C12orf42: variants seen among roughly 807,000 people sequenced by gnomAD.
C12orf42 encodes the protein chromosome 12 open reading frame 42.
C12orf42 carries 25 observed loss-of-function variants against 21.6 expected under a neutral mutation model. The observed-to-expected ratio is 1.16, with a 90% CI of 0.84 to 1.62. The LOEUF is 1.62. Ranked by LOEUF, C12orf42 falls within the 40% of genes most tolerant of loss-of-function variation. The pLI, the probability that C12orf42 is intolerant of heterozygous loss-of-function variation, is 0.00. For synonymous variants in C12orf42, 174 were observed against 175.0 expected (o/e 0.99, Z 0.05); for missense variants, 483 against 459.3 (o/e 1.05, Z -0.47).
At chr12:103,393,276 G>A (rs551922220) in intron 3 of C12orf42, among the ~76,000 whole-genome samples, 310 of 152,310 alleles carry the variant, frequency 2.0e-3, no homozygotes, top group African/African-American at 7.0e-3. Flanking sequence ...GATGGAAGGG[G>A]AAGCGGGAAC....
At chr12:103,444,524 G>T (rs1200565040) in intron 2 of C12orf42, among the ~76,000 whole-genome samples, 2 of 151,974 alleles carry the variant, frequency 1.3e-5, no homozygotes, top group African/African-American at 2.4e-5. Context: ...TTTAAATAAT[G>T]TTATTCTCCA....
At chr12:103,096,440 T>C in the C12orf42 span, among the ~76,000 whole-genome samples, 36 of 152,352 alleles carry the variant, frequency 2.4e-4, no homozygotes, top group African/African-American at 7.2e-4. Context: ...TATTTTGGCC[T>C]TGAGGCACTG....
At chr12:103,290,101 T>C (rs1053702978) in intron 4 of C12orf42, among the ~76,000 whole-genome samples, 7 of 152,070 alleles carry the variant, frequency 4.6e-5, no homozygotes, top group African/African-American at 1.4e-4. Context: ...CCACACTAAA[T>C]GAAAAGCAAA....
At chr12:103,355,647 T>A in intron 4 of C12orf42, among the ~76,000 whole-genome samples, 1 of 152,072 alleles carries the variant, frequency 6.6e-6, no homozygotes, top group Non-Finnish European at 1.5e-5. Context: ...CAGCCAGTGG[T>A]TGAGCTAGGC....
Position 103,396,149 on chromosome 12 carries a change from C to T in C12orf42, c.147+5458G>A, listed in dbSNP as rs1400250776. On this transcript the variant is annotated intron_variant, in intron 3 of 5. Transcript: ENST00000548883. ...TGGCTGTGTGTCCCCACCCAAATCTCATCTTAAATTGTAATCAGGGGAGGG... is the reference window on the plus strand; with the variant it reads ...TGGCTGTGTGTCCCCACCCAAATCTTATCTTAAATTGTAATCAGGGGAGGG... 2.0e-5 allele frequency among the ~76,000 whole-genome samples: 3 copies of T among 151,840 alleles called. No homozygotes were observed. The East Asian group carries it at 5.8e-4, about 29-fold the overall frequency.
the C12orf42 span, among the ~76,000 whole-genome samples, chr12:103,223,794 G>A: frequency 1.6e-4 from 25 of 152,320 alleles, 1 homozygote; most frequent in East Asian, 4.8e-3. Context: ...GCTGTACCCT[G>A]TAGCATTCCG....
intron 4 of C12orf42, among the ~76,000 whole-genome samples, chr12:103,307,230 T>C (rs999008518): frequency 1.3e-5 from 2 of 152,160 alleles, no homozygotes; most frequent in Admixed American, 1.3e-4. Flanking sequence ...GAAACTTGAA[T>C]CCACATCTGT....
At chr12:103,340,903 G>T (rs1341944924) in intron 4 of C12orf42, among the ~76,000 whole-genome samples, 1 of 152,092 alleles carries the variant, frequency 6.6e-6, no homozygotes, top group East Asian at 1.9e-4. Flanking sequence ...CACGAGGTCA[G>T]GAGATCGAGA....
the C12orf42 span, among the ~76,000 whole-genome samples, chr12:103,114,185 A>G: frequency 6.6e-6 from 1 of 152,238 alleles, no homozygotes; most frequent in Non-Finnish European, 1.5e-5. Flanking sequence ...AAAGTGTTTC[A>G]ATAAAGTGGG....
chr12:103,442,680 A>G (rs1036393479), intron 2 of C12orf42, among the ~76,000 whole-genome samples: 2 of 152,180 alleles, frequency 1.3e-5, no homozygotes, highest in Non-Finnish European at 2.9e-5. Context: ...AACAATGTAG[A>G]TAATAAAACT....
At chr12:103,368,100 A>G (rs577520729) in intron 4 of C12orf42, 15 of 1,275,118 alleles carry the variant, frequency 1.2e-5, no homozygotes, top group Non-Finnish European at 1.5e-5. Context: ...AGGTCAGTGA[A>G]ATGGTCCTAA....
the C12orf42 span, among the ~76,000 whole-genome samples, chr12:103,115,812 C>T: frequency 1.3e-5 from 2 of 152,088 alleles, no homozygotes; most frequent in Non-Finnish European, 2.9e-5. Flanking sequence ...ATTCACTTAT[C>T]GAAATCATGA....
intron 3 of C12orf42, among the ~76,000 whole-genome samples, chr12:103,374,196 T>C (rs1289011800): frequency 6.6e-6 from 1 of 152,178 alleles, no homozygotes; most frequent in Non-Finnish European, 1.5e-5. Context: ...TTTTGTCACT[T>C]TTCATTTCCC....
At chr12:103,355,340 C>T (rs142614447) in intron 4 of C12orf42, among the ~76,000 whole-genome samples, 72 of 152,192 alleles carry the variant, frequency 4.7e-4, no homozygotes, top group Admixed American at 4.1e-3. Context: ...TACATGCATA[C>T]ACTCTTGTCT....
the C12orf42 span, among the ~76,000 whole-genome samples, chr12:103,507,231 A>T: frequency 2.1e-5 from 1 of 48,234 alleles, no homozygotes; most frequent in Non-Finnish European, 2.9e-5. Flanking sequence ...AAATATAAAT[A>T]TATATATATT....
At chr12:103,128,693 T>C in the C12orf42 span, among the ~76,000 whole-genome samples, 2 of 152,284 alleles carry the variant, frequency 1.3e-5, no homozygotes, top group African/African-American at 4.8e-5. Flanking sequence ...CAGGGCATGA[T>C]GTATGGTAGG....
chr12:103,468,543 TCTC>T (rs751725438), intron 2 of C12orf42, among the ~76,000 whole-genome samples: 54 of 152,290 alleles, frequency 3.5e-4, no homozygotes, highest in Non-Finnish European at 6.9e-4. Flanking sequence ...AAGTTAAAAT[TCTC>T]ATTGTTTTTA....
rs939327133 is a variant in C12orf42 at position 103,401,644 on chromosome 12, C to T, written c.110G>A (p.Ser37Asn). The change falls in exon 3 of 6, where the codon AGT becomes AAT. Residue 37 changes from serine (S) to asparagine (N), a missense_variant. Physicochemically the swap from Ser to Asn is conservative, Grantham distance 46 (BLOSUM62 1). Transcript: ENST00000548883. Reference sequence around the variant, plus strand: ...TGTGCTTCTATCCCACAGGGTGGCACTGCTCACAATGGGAATATAGCAAGG... The same window carrying T: ...TGTGCTTCTATCCCACAGGGTGGCATTGCTCACAATGGGAATATAGCAAGG... ...KSPCYIPIVS[S>N]ATLWDRSTPS... The T allele has an allele frequency of 6.2e-7, 1 of 1,613,950 alleles. No individual in the cohort carries two copies. The highest frequency in any genetic ancestry group is 1.7e-5 in the Admixed American group (1 of 60,018).
chr12:103,325,374 C>G (rs934666614), intron 4 of C12orf42, among the ~76,000 whole-genome samples: 2 of 152,228 alleles, frequency 1.3e-5, no homozygotes, highest in Admixed American at 1.3e-4. Flanking sequence ...TCACAGTTAT[C>G]TCTACCAATA....
Sources: gnomAD v4.1 joint callset for allele counts (sites outside exome capture counted in the v4.1 genomes callset) on GRCh38, gnomAD v4.1.1 for gene constraint, MANE v1.5 for transcripts, NCBI Gene and HGNC (gene_info 2026-07-23, HGNC 2026-07-21) for gene names.